The following TIMMDC1 variants were observed in gnomAD, a reference collection of about 807,000 sequenced individuals.
The protein encoded by TIMMDC1 is complex I assembly factor TIMMDC1, mitochondrial.
In TIMMDC1, 25 loss-of-function variants were observed where a neutral mutation model predicts 32.6. The observed-to-expected ratio is 0.77, with a 90% confidence interval of 0.56 to 1.07. The LOEUF (loss-of-function observed/expected upper bound fraction) is 1.07, where lower values mean the gene tolerates loss of function less well. Among genes scored for constraint, TIMMDC1 ranks in the 50% least tolerant of loss-of-function variants. The pLI, the probability that TIMMDC1 is intolerant of heterozygous loss-of-function variation, is 0.00. For missense variants in TIMMDC1, 329 were observed against 349.2 expected (o/e 0.94, Z 0.46); for synonymous variants, 130 against 127.6 (o/e 1.02, Z -0.13).
chr3:119,517,296 G>C lies in TIMMDC1; in HGVS notation c.688G>C (p.Glu230Gln). ...RKQKDRKALH[E>Q]LKLEEWKGRL... is the part of the protein sequence containing the mutation. ...ACAGAAGGATCGAAAGGCACTCCAT[G>C]AGCTAAAACTGGAAGAGTGGTAAGG... is the stretch of plus-strand genomic sequence containing the variant. Residue 230 changes from glutamate (E) to glutamine (Q), a missense_variant, in exon 6 of 7, where the codon GAG (glutamate) becomes CAG (glutamine). Glu to Gln is a conservative substitution (Grantham distance 29). Transcript: ENST00000494664. 6.2e-7 allele frequency: 1 copy of C among 1,612,432 alleles called. No homozygotes were observed. The highest frequency in any genetic ancestry group is 8.5e-7 in the Non-Finnish European group (1 of 1,178,544).
At chr3:119,501,470 C>T (rs2081875091) in intron 2 of TIMMDC1, among the ~76,000 whole-genome samples, 1 of 152,100 alleles carries the variant, frequency 6.6e-6, no homozygotes, top group Non-Finnish European at 1.5e-5. Flanking sequence ...AGCTACTTGA[C>T]AGTAGGTTAT....
rs11317621 is a variant in TIMMDC1, at chr3:119,499,092, C to CTT, written c.194+182_194+183dup. ...ACCCAAGCTTGTATCTTTTTTCTTT[C>CTT]TTTTTTTTTTTTTTTTTTCCAGACA... On this transcript the variant is annotated intron_variant, in intron 1 of 6. Coordinates refer to ENST00000494664, the MANE Select transcript of TIMMDC1 (RefSeq NM_016589.4). 9.9e-3 allele frequency: 3,963 copies of CTT among 401,010 alleles called. 2 individuals carry two copies. Among genetic ancestry groups the CTT allele is most frequent in the East Asian group, 0.014 (300 of 21,468 alleles). The allele number at this position is 401,010 out of a possible 1,614,324, so 24.8% of individuals were successfully genotyped here. A position where few individuals can be genotyped will look rare whatever the true frequency, so the allele number is the denominator to read the frequency against.
rs1332406367 is a variant in TIMMDC1, at chr3:119,498,846, G to C, written c.113G>C (p.Arg38Pro). The change falls in exon 1 of 7, where the codon CGT becomes CCT. Residue 38 changes from arginine to proline, a missense_variant. By Grantham distance (103) the Arg-to-Pro change is moderately radical. Coordinates refer to ENST00000494664, the MANE Select transcript of TIMMDC1 (RefSeq NM_016589.4). Reference sequence around the variant, plus strand: ...GCCGATTCGGAAGTCCTTGAGGAGCGTCAGAAGCGGCTTCCCTACGTCCCA... The same window carrying C: ...GCCGATTCGGAAGTCCTTGAGGAGCCTCAGAAGCGGCTTCCCTACGTCCCA... The part of the protein sequence containing the change: ...VTADSEVLEE[R>P]QKRLPYVPEP... The C allele has an allele frequency of 6.2e-7, 1 of 1,614,198 alleles. No homozygotes were observed. Among genetic ancestry groups the C allele is most frequent in the Admixed American group, 1.7e-5 (1 of 60,028 alleles).
At position 119,498,664 on chromosome 3, in the gene TIMMDC1, C is replaced by T; in HGVS notation, c.-70C>T. On this transcript the variant is annotated 5_prime_UTR_variant, in exon 1 of 7. Coordinates refer to ENST00000494664, the MANE Select transcript of TIMMDC1 (RefSeq NM_016589.4). ...GATTCTCACCTCGTACAGTTACGCT[C>T]TCCCGCGGCACGTCCGCGAGGACTT... 2 of 1,498,122 alleles carry T rather than the reference C, an allele frequency of 1.3e-6. No individual in the cohort carries two copies. Among genetic ancestry groups the T allele is most frequent in the Non-Finnish European group, 1.8e-6 (2 of 1,087,060 alleles). 92.8% of individuals were successfully genotyped at this position (1,498,122 alleles called of 1,614,324 possible).
chr3:119,518,297 G>T (rs541351862), intron 6 of TIMMDC1, among the ~76,000 whole-genome samples: 1 of 152,248 alleles, frequency 6.6e-6, no homozygotes, highest in East Asian at 1.9e-4. Context: ...ACCTAAGACA[G>T]CATTGGCTGC....
At chr3:119,522,800 GT>G (rs1408087446) in intron 6 of TIMMDC1, among the ~76,000 whole-genome samples, 6 of 115,366 alleles carry the variant, frequency 5.2e-5, no homozygotes, top group Non-Finnish European at 1.1e-4. Context: ...ACACGTATGG[GT>G]GTTTGTGTGT....
Position 119,503,569 on chromosome 3 carries a change from GT to G in TIMMDC1, c.400del (p.Tyr134MetfsTer13). 1 of 1,612,366 alleles carries G rather than the reference GT, an allele frequency of 6.2e-7. No individual in the cohort carries two copies. The highest frequency in any genetic ancestry group is 8.5e-7 in the Non-Finnish European group (1 of 1,179,518). The part of the protein sequence containing the change: ...AHRAATRGFI[R>X]YGWRWGWRTA... Reference sequence around the variant, plus strand: ...CGTGCTGCCACACGAGGCTTCATTCGTTATGGCTGGCGCTGGGGTTGGAGAA... The same window carrying G: ...CGTGCTGCCACACGAGGCTTCATTCGTATGGCTGGCGCTGGGGTTGGAGAA... On this transcript the variant is annotated frameshift_variant, in exon 3 of 7. Coordinates refer to ENST00000494664, the MANE Select transcript of TIMMDC1 (RefSeq NM_016589.4). LOFTEE classifies it high-confidence loss of function.
chr3:119,503,470 G>A, intron 2 of TIMMDC1, 62 bp from the exon 3 acceptor site: 1 of 1,351,746 alleles, frequency 7.4e-7, no homozygotes. Flanking sequence ...CTCTACCGCA[G>A]TTCTAGAATA....
chr3:119,501,984 G>A (rs1469916188), intron 2 of TIMMDC1, among the ~76,000 whole-genome samples: 11 of 152,134 alleles, frequency 7.2e-5, no homozygotes, highest in Non-Finnish European at 1.6e-4. Context: ...TACTGGTGAT[G>A]TTTACTTCAG....
At chr3:119,508,527 C>G (rs533953667) in intron 4 of TIMMDC1, among the ~76,000 whole-genome samples, 1 of 152,346 alleles carries the variant, frequency 6.6e-6, no homozygotes, top group South Asian at 2.1e-4. Context: ...ATACCAGAAA[C>G]TGGAAGTCTC....
chr3:119,515,740 A>G (rs1362621365), intron 5 of TIMMDC1, among the ~76,000 whole-genome samples: 1 of 152,188 alleles, frequency 6.6e-6, no homozygotes, highest in African/African-American at 2.4e-5. Context: ...CTCTCCAGCT[A>G]TCTTTTCATC....
chr3:119,513,973 T>A (rs1016548967), intron 5 of TIMMDC1, among the ~76,000 whole-genome samples: 4 of 152,168 alleles, frequency 2.6e-5, no homozygotes, highest in African/African-American at 9.7e-5. Context: ...AATACAACTA[T>A]CTAAGATAGG....
chr3:119,523,677 A>AGAAT lies in TIMMDC1; in HGVS notation c.782_785dup (p.Asp262GlufsTer2). 1 of 1,613,734 alleles carries AGAAT rather than the reference A, an allele frequency of 6.2e-7. No homozygotes were observed. The highest frequency in any genetic ancestry group is 8.5e-7 in the Non-Finnish European group (1 of 1,179,798). ...AGTAGTTTACAGGAAGATGAACCTG[A>AGAAT]GAATGATGCTAAGAAAATTGAAGCA... is the stretch of plus-strand genomic sequence containing the variant. On this transcript the variant is annotated frameshift_variant, in exon 7 of 7. Transcript: ENST00000494664. LOFTEE classifies it high-confidence loss of function.
At chr3:119,512,874 G>T (rs1047201752) in intron 4 of TIMMDC1, among the ~76,000 whole-genome samples, 3 of 152,106 alleles carry the variant, frequency 2.0e-5, no homozygotes, top group Admixed American at 2.0e-4. Context: ...CTGAGTAGCT[G>T]GGATTACAGG....
chr3:119,506,937 C>T (rs536663347), intron 4 of TIMMDC1, among the ~76,000 whole-genome samples: 1 of 152,314 alleles, frequency 6.6e-6, no homozygotes, highest in African/African-American at 2.4e-5. Flanking sequence ...TTAACCTTAC[C>T]TTTCAAAGTC....
At chr3:119,513,837 T>C in intron 5 of TIMMDC1, 118 bp downstream of exon 5, 1 of 639,924 alleles carries the variant, frequency 1.6e-6, no homozygotes, top group Non-Finnish European at 2.6e-6. Context: ...ATAAAAGATC[T>C]CTAGTCTTGC....
At chr3:119,503,645 T>C (rs2081895926) in intron 3 of TIMMDC1, 25 bp downstream of exon 3, 1 of 1,551,714 alleles carries the variant, frequency 6.4e-7, no homozygotes, top group Non-Finnish European at 8.8e-7. Context: ...AATTGTGAGA[T>C]AGTGAATTTT....
intron 4 of TIMMDC1, among the ~76,000 whole-genome samples, chr3:119,505,046 C>G (rs947918970): frequency 2.7e-5 from 4 of 150,092 alleles, no homozygotes; most frequent in African/African-American, 9.9e-5. Context: ...CCATTGCACT[C>G]CAACCTGGGC....
At chr3:119,510,705 T>C (rs1430422624) in intron 4 of TIMMDC1, among the ~76,000 whole-genome samples, 1 of 152,200 alleles carries the variant, frequency 6.6e-6, no homozygotes, top group East Asian at 1.9e-4. Context: ...AGTTATTAAC[T>C]ATTTGGAAAG....
Sources: gnomAD v4.1 joint callset for allele counts (sites outside exome capture counted in the v4.1 genomes callset) on GRCh38, gnomAD v4.1.1 for gene constraint, MANE v1.5 for transcripts, NCBI Gene and HGNC (gene_info 2026-07-23, HGNC 2026-07-21) for gene names.